Variants in LAMA2 observed in about 807,000 individuals in gnomAD.
LAMA2 encodes the protein laminin subunit alpha 2.
LAMA2 carries 269 observed loss-of-function variants against 364.8 expected under a neutral mutation model. The ratio of observed to expected loss-of-function variants is 0.74; its 90% CI spans 0.67 to 0.82. The LOEUF (loss-of-function observed/expected upper bound fraction) is 0.82, where lower values mean the gene tolerates loss of function less well. Among genes scored for constraint, LAMA2 ranks in the 40% least tolerant of loss-of-function variants. The probability of loss-of-function intolerance (pLI) is 0.00; values close to 1 mark genes in which losing one functional copy is unlikely to be tolerated. For missense variants in LAMA2, 3,807 were observed against 3,873.2 expected (o/e 0.98, Z 0.45); for synonymous variants, 1,379 against 1,370.6 (o/e 1.01, Z -0.14).
chr6:129,072,412 C>A (rs374778196), intron 3 of LAMA2, among the ~76,000 whole-genome samples: 1 of 151,770 alleles, frequency 6.6e-6, no homozygotes, highest in South Asian at 2.1e-4. Flanking sequence ...TCTGTGTTTG[C>A]GTGATATAGG....
chr6:129,022,434 A>C (rs1005673055), intron 1 of LAMA2, among the ~76,000 whole-genome samples: 7 of 152,146 alleles, frequency 4.6e-5, no homozygotes, highest in African/African-American at 1.7e-4. Flanking sequence ...CTAACCACTC[A>C]TTTACTCCGA....
rs67741467 is a variant in LAMA2, at chr6:129,042,001, CA to C, written c.113-7903del. ...TGGGCAACAGAATGAGACCCTGTCT[CA>C]AAAAAAAAAAAAATAGTTAATGCCA... is the stretch of plus-strand genomic sequence containing the variant. On this transcript the variant is annotated intron_variant, in intron 1 of 64. Coordinates refer to ENST00000421865, the MANE Select transcript of LAMA2 (RefSeq NM_000426.4). Among the ~76,000 whole-genome samples the C allele has an allele frequency of 5.5e-3, 787 of 142,890 alleles. 11 individuals carry two copies. The highest frequency in any genetic ancestry group is 0.019 in the African/African-American group (739 of 37,938). The allele number at this position is 142,890 out of a possible 152,430, so 93.7% of individuals were successfully genotyped here.
chr6:129,245,046 G>A (rs554930788), intron 12 of LAMA2, among the ~76,000 whole-genome samples: 2 of 152,064 alleles, frequency 1.3e-5, no homozygotes, highest in South Asian at 4.2e-4. Context: ...GAAAGTGAAT[G>A]GCTTAGCCTA....
chr6:129,378,884 G>A (rs1425234813), intron 34 of LAMA2, among the ~76,000 whole-genome samples: 1 of 152,142 alleles, frequency 6.6e-6, no homozygotes, highest in Non-Finnish European at 1.5e-5. Flanking sequence ...ACACGAGAGT[G>A]CTGTAAGCCT....
At position 129,270,666 on chromosome 6, in the gene LAMA2, C is replaced by G; in HGVS notation, c.2365C>G (p.Leu789Val). The stretch of plus-strand genomic sequence containing the variant: ...AGGTGGCCCATATTGTGATAAATGT[C>G]TTCCTGGTTTCTATGGCGAGCCTAC... ...HTGGPYCDKC[L>V]PGFYGEPTKG... Residue 789 changes from leucine (L) to valine (V), a missense_variant, in exon 17 of 65, where the codon CTT becomes GTT. Leu to Val is a conservative substitution (Grantham distance 32). Transcript: ENST00000421865. The G allele has an allele frequency of 6.2e-7, 1 of 1,613,080 alleles. No individual in the cohort carries two copies. The highest frequency in any genetic ancestry group is 8.5e-7 in the Non-Finnish European group (1 of 1,179,340).
At chr6:129,479,097 A>C (rs1784228763) in intron 54 of LAMA2, among the ~76,000 whole-genome samples, 1 of 151,970 alleles carries the variant, frequency 6.6e-6, no homozygotes, top group Non-Finnish European at 1.5e-5. Context: ...TTCCAACACT[A>C]CTTTTCCCTT....
At chr6:129,327,583 A>G (rs1234887336) in intron 28 of LAMA2, among the ~76,000 whole-genome samples, 1 of 152,200 alleles carries the variant, frequency 6.6e-6, no homozygotes, top group Non-Finnish European at 1.5e-5. Flanking sequence ...AGAGCTGTGG[A>G]CTACCTTCCA....
intron 1 of LAMA2, among the ~76,000 whole-genome samples, chr6:129,049,232 A>G (rs2114772687): frequency 1.3e-5 from 2 of 151,892 alleles, no homozygotes; most frequent in East Asian, 3.9e-4. Context: ...CCCCAGCCCT[A>G]CACTTAGATG....
intron 14 of LAMA2, among the ~76,000 whole-genome samples, chr6:129,253,599 G>C (rs1273872229): frequency 6.6e-6 from 1 of 152,230 alleles, no homozygotes; most frequent in Non-Finnish European, 1.5e-5. Flanking sequence ...TTCACATTTA[G>C]CAAATAGAGG....
chr6:129,287,442 C>T (rs943203074), intron 18 of LAMA2, among the ~76,000 whole-genome samples: 2 of 152,012 alleles, frequency 1.3e-5, no homozygotes, highest in African/African-American at 4.8e-5. Flanking sequence ...GTTCTGGCTG[C>T]AACAACAACA....
chr6:128,952,510 A>T (rs1296919258), intron 1 of LAMA2, among the ~76,000 whole-genome samples: 2 of 152,190 alleles, frequency 1.3e-5, no homozygotes, highest in African/African-American at 4.8e-5. Flanking sequence ...CATCATAACA[A>T]ATAAATGTTC....
chr6:129,321,449 G>A (rs147393608), intron 28 of LAMA2, among the ~76,000 whole-genome samples: 4 of 152,198 alleles, frequency 2.6e-5, no homozygotes, highest in Non-Finnish European at 5.9e-5. Context: ...CACCTCTCCC[G>A]CAGACCCCAC....
chr6:128,955,601 C>CTAT (rs767084844), intron 1 of LAMA2, among the ~76,000 whole-genome samples: 2 of 151,814 alleles, frequency 1.3e-5, no homozygotes, highest in Non-Finnish European at 2.9e-5. Flanking sequence ...TTTCTTTCTT[C>CTAT]TATTACTTTT....
intron 12 of LAMA2, among the ~76,000 whole-genome samples, chr6:129,243,371 C>T (rs1785515278): frequency 6.6e-6 from 1 of 152,038 alleles, no homozygotes; most frequent in Admixed American, 6.6e-5. Context: ...TACTCTTTTT[C>T]CCCTTGCCAA....
intron 37 of LAMA2, among the ~76,000 whole-genome samples, chr6:129,397,790 A>G (rs1229068081): frequency 6.6e-6 from 1 of 151,906 alleles, no homozygotes; most frequent in Non-Finnish European, 1.5e-5. Flanking sequence ...AATAAAAAAA[A>G]TTAGCCAGGC....
chr6:129,117,704 C>T (rs1776557577), intron 4 of LAMA2, among the ~76,000 whole-genome samples: 1 of 152,210 alleles, frequency 6.6e-6, no homozygotes, highest in African/African-American at 2.4e-5. Context: ...TCCCCGATCA[C>T]ATGCCTTGTG....
chr6:129,165,469 T>G, intron 8 of LAMA2, 107 bp from the exon 9 acceptor site: 1 of 674,066 alleles, frequency 1.5e-6, no homozygotes, highest in South Asian at 1.7e-5. Context: ...CTCAATAATT[T>G]GCTGCTCTGT....
At chr6:129,033,895 G>GTT (rs10686168) in intron 1 of LAMA2, among the ~76,000 whole-genome samples, 84,020 of 147,108 alleles carry the variant, frequency 0.57, 27,603 homozygotes, top group East Asian at 0.95. Context: ...CCAGCTATGG[G>GTT]TTTTTTTTTT....
At chr6:128,959,110 A>G (rs1021316280) in intron 1 of LAMA2, among the ~76,000 whole-genome samples, 4 of 152,170 alleles carry the variant, frequency 2.6e-5, no homozygotes, top group Non-Finnish European at 5.9e-5. Flanking sequence ...GTTGCCTGGC[A>G]TTAATAATTG....
Sources: gnomAD v4.1 joint callset for allele counts (sites outside exome capture counted in the v4.1 genomes callset) on GRCh38, gnomAD v4.1.1 for gene constraint, MANE v1.5 for transcripts, NCBI Gene and HGNC (gene_info 2026-07-23, HGNC 2026-07-21) for gene names.